DOP1B: variants seen among roughly 807,000 people sequenced by gnomAD.
DOP1B encodes the protein protein DOP1B.
A neutral mutation model predicts 233.5 loss-of-function variants in DOP1B; 174 were observed. That is an observed-to-expected ratio of 0.75 (90% CI 0.66 to 0.85). The LOEUF (loss-of-function observed/expected upper bound fraction) is 0.85. Ranked by LOEUF, DOP1B falls within the 40% of genes least tolerant of loss-of-function variation. The probability of loss-of-function intolerance (pLI) is 0.00; values close to 1 mark genes in which losing one functional copy is unlikely to be tolerated. For synonymous variants in DOP1B, 1,190 were observed against 1,185.6 expected (o/e 1.00, Z -0.08); for missense variants, 2,652 against 2,846.6 (o/e 0.93, Z 1.56).
chr21:36,211,590 T>C lies in DOP1B; in HGVS notation c.719T>C (p.Val240Ala), dbSNP rs1569023840. Reference protein sequence around the residue: ...SLRASLLDSNVLVQRNNLEIV... With the variant: ...SLRASLLDSNALVQRNNLEIV... ...CGTGCCTCCCTGTTGGACTCAAATGTTCTTGTGCAAAGAAATAATCTGGAA... is the reference window on the plus strand; with the variant it reads ...CGTGCCTCCCTGTTGGACTCAAATGCTCTTGTGCAAAGAAATAATCTGGAA... Residue 240 changes from valine (V) to alanine (A), a missense_variant, in exon 6 of 37, where the codon GTT (valine) becomes GCT (alanine). Coordinates refer to ENST00000691173, the MANE Select transcript of DOP1B (RefSeq NM_001320714.2). 1.2e-6 allele frequency: 2 copies of C among 1,614,246 alleles called. No homozygotes were observed. Among genetic ancestry groups the C allele is most frequent in the Non-Finnish European group, 1.7e-6 (2 of 1,180,044 alleles).
At chr21:36,291,087 C>A (rs1161856751) in intron 35 of DOP1B, among the ~76,000 whole-genome samples, 14 of 151,240 alleles carry the variant, frequency 9.3e-5, no homozygotes, top group Non-Finnish European at 2.1e-4. Flanking sequence ...CATGGTGAAA[C>A]CCTGTCTCTA....
intron 9 of DOP1B, 92 bp downstream of exon 9, chr21:36,214,648 A>G: frequency 2.8e-6 from 3 of 1,072,854 alleles, no homozygotes; most frequent in South Asian, 1.5e-5. Context: ...CCAAAGCGTT[A>G]TTTTGAATAT....
At chr21:36,205,302 C>T (rs1191176360) in intron 4 of DOP1B, among the ~76,000 whole-genome samples, 1 of 151,550 alleles carries the variant, frequency 6.6e-6, no homozygotes, top group Non-Finnish European at 1.5e-5. Context: ...CATGAGAGAG[C>T]ATAAGCTGGG....
chr21:36,208,901 C>CAG lies in DOP1B; in HGVS notation c.679_680insGA (p.Thr227ArgfsTer3). ...ACATGCTGGGGACCAATCACCAACT[C>CAG]ACGGTGGGTGCTGTGTTCCTCACAG... On this transcript the variant is annotated frameshift_variant, in exon 5 of 37. Coordinates refer to ENST00000691173, the MANE Select transcript of DOP1B (RefSeq NM_001320714.2). LOFTEE classifies it high-confidence loss of function. 1 of 1,530,418 alleles carries CAG rather than the reference C, an allele frequency of 6.5e-7. No individual in the cohort carries two copies. The highest frequency in any genetic ancestry group is 8.8e-7 in the Non-Finnish European group (1 of 1,138,674). 94.8% of individuals were successfully genotyped at this position (1,530,418 alleles called of 1,614,324 possible). A position where few individuals can be genotyped will look rare whatever the true frequency, so the allele number is the denominator to read the frequency against.
At chr21:36,273,565 G>C (rs7282050) in intron 27 of DOP1B, among the ~76,000 whole-genome samples, 14 of 152,088 alleles carry the variant, frequency 9.2e-5, no homozygotes, top group Middle Eastern at 3.4e-3. Context: ...ATGTCCCCAA[G>C]GAGGTGACAG....
At chr21:36,248,313 T>C (rs1261068796) in intron 20 of DOP1B, 67 bp from the exon 21 acceptor site, 1 of 1,552,652 alleles carries the variant, frequency 6.4e-7, no homozygotes, top group African/African-American at 1.4e-5. Context: ...CTAGCACTGC[T>C]GCCCTCGTGG....
chr21:36,238,760 C>T, intron 17 of DOP1B, 59 bp downstream of exon 17: 7 of 1,544,074 alleles, frequency 4.5e-6, no homozygotes, highest in Non-Finnish European at 6.3e-6. Context: ...ACAGAGGTGC[C>T]TGCCCAACGT....
In DOP1B at chr21:36,282,494, G is replaced by A. The variant is rs149646914; in HGVS notation, c.6160+883G>A. ...TTTTAAAAGTCTGACCACAGTATAGGAATAATACTTCCTCAGCACTGTCTC... is the reference window on the plus strand; with the variant it reads ...TTTTAAAAGTCTGACCACAGTATAGAAATAATACTTCCTCAGCACTGTCTC... On this transcript the variant is annotated intron_variant, in intron 32 of 36. Transcript: ENST00000691173. Among the ~76,000 whole-genome samples the A allele has an allele frequency of 5.0e-3, 754 of 152,218 alleles. 8 individuals are homozygous for A. Among genetic ancestry groups the A allele is most frequent in the African/African-American group, 0.017 (706 of 41,528 alleles).
chr21:36,211,720 G>A (rs2066500605), intron 6 of DOP1B, 69 bp downstream of exon 6: 1 of 1,519,996 alleles, frequency 6.6e-7, no homozygotes, highest in Admixed American at 1.7e-5. Flanking sequence ...ATCTCAAGCA[G>A]TTCTGTCGTA....
At chr21:36,255,327 G>C (rs956714511) in intron 23 of DOP1B, among the ~76,000 whole-genome samples, 1 of 151,584 alleles carries the variant, frequency 6.6e-6, no homozygotes, top group African/African-American at 2.4e-5. Flanking sequence ...TCTTTTAGTA[G>C]AGACGGGATT....
chr21:36,270,291 G>A lies in DOP1B; in HGVS notation c.5632+134G>A, dbSNP rs529481694. 14 of 990,234 alleles carry A rather than the reference G, an allele frequency of 1.4e-5. No individual in the cohort carries two copies. The Admixed American group carries it at 1.8e-4, about 13-fold the overall frequency. 61.3% of individuals were successfully genotyped at this position (990,234 alleles called of 1,614,324 possible). A position where few individuals can be genotyped will look rare whatever the true frequency, so the allele number is the denominator to read the frequency against. On this transcript the variant is annotated intron_variant, in intron 27 of 36. Coordinates refer to ENST00000691173, the MANE Select transcript of DOP1B (RefSeq NM_001320714.2). ...AGGTAGGCTGGGTGCGGTGGCTCAC[G>A]CCTGTAATCCCAGCACTTTGGGAGA...
At chr21:36,252,954 C>T (rs1020037345) in intron 22 of DOP1B, among the ~76,000 whole-genome samples, 1 of 152,210 alleles carries the variant, frequency 6.6e-6, no homozygotes, top group African/African-American at 2.4e-5. Context: ...TGCTGCTGCA[C>T]CTCCTTGACA....
At position 36,246,340 on chromosome 21, in the gene DOP1B, C is replaced by T. The variant is rs1356449173; in HGVS notation, c.4360C>T (p.His1454Tyr). ...LLQVLIVLEH[H>Y]LGRAHEEAEN... ...GCAGGTGCTGATTGTCTTGGAACACCACCTGGGTCGGGCCCATGAGGAGGC... is the reference window on the plus strand; with the variant it reads ...GCAGGTGCTGATTGTCTTGGAACACTACCTGGGTCGGGCCCATGAGGAGGC... Residue 1454 changes from histidine (H) to tyrosine (Y), a missense_variant, in exon 19 of 37, where the codon CAC becomes TAC. His to Tyr is a moderately conservative substitution (Grantham distance 83, BLOSUM62 2). Transcript: ENST00000691173. The surrounding 1 kb of genome is among the most constrained non-coding windows in gnomAD (Gnocchi z 5.1). The T allele has an allele frequency of 6.2e-7, 1 of 1,613,882 alleles. No homozygotes were observed.
At chr21:36,218,871 A>G (rs1010885218) in intron 9 of DOP1B, among the ~76,000 whole-genome samples, 3 of 152,152 alleles carry the variant, frequency 2.0e-5, no homozygotes, top group Admixed American at 2.0e-4. Context: ...GATAGCCATC[A>G]TTTCTTTTGT....
At chr21:36,159,180 A>G (rs2065847582) in intron 1 of DOP1B, among the ~76,000 whole-genome samples, 1 of 152,120 alleles carries the variant, frequency 6.6e-6, no homozygotes. Flanking sequence ...GACTGGGCGC[A>G]GTGGCTTATG....
chr21:36,291,307 T>A (rs1476438764), intron 35 of DOP1B, among the ~76,000 whole-genome samples: 1 of 146,044 alleles, frequency 6.8e-6, no homozygotes, highest in African/African-American at 2.6e-5. Context: ...ATGCCTGTAA[T>A]CCCAGCACTT....
At chr21:36,228,098 G>C (rs971187335) in intron 13 of DOP1B, among the ~76,000 whole-genome samples, 1 of 152,164 alleles carries the variant, frequency 6.6e-6, no homozygotes, top group Admixed American at 6.6e-5. Flanking sequence ...GGAGACTGGG[G>C]CAGGAGGATT....
intron 4 of DOP1B, among the ~76,000 whole-genome samples, chr21:36,208,500 A>G (rs1264141603): frequency 6.6e-6 from 1 of 152,176 alleles, no homozygotes; most frequent in African/African-American, 2.4e-5. Context: ...GCCTAGTGAC[A>G]TTGGTTTTGG....
chr21:36,293,442 C>T lies in DOP1B; in HGVS notation c.6768C>T (p.Thr2256=). 6.2e-7 allele frequency: 1 copy of T among 1,614,106 alleles called. No homozygotes were observed. Among genetic ancestry groups the T allele is most frequent in the Non-Finnish European group, 8.5e-7 (1 of 1,180,022 alleles). The change falls in exon 37 of 37, where the codon ACC becomes ACT. Residue 2256 remains threonine, a synonymous_variant. Coordinates refer to ENST00000691173, the MANE Select transcript of DOP1B (RefSeq NM_001320714.2). ...TGACTCTAAATGGTGCATTTAAGAC[C>T]CAGAGACAGCTGCCTGCTGATAGCC... The part of the protein sequence containing the change: ...FFMTLNGAFK[T]QRQLPADSPG...
Sources: gnomAD v4.1 joint callset for allele counts (sites outside exome capture counted in the v4.1 genomes callset) on GRCh38, gnomAD v4.1.1 for gene constraint, Gnocchi (gnomAD v3.1) non-coding constraint, MANE v1.5 for transcripts, NCBI Gene and HGNC (gene_info 2026-07-23, HGNC 2026-07-21) for gene names.